TBCD: variants seen among roughly 807,000 people sequenced by gnomAD.
TBCD encodes tubulin-specific chaperone D.
A neutral mutation model predicts 169.3 loss-of-function variants in TBCD; 105 were observed. The ratio of observed to expected loss-of-function variants is 0.62; its 90% CI spans 0.53 to 0.73. The LOEUF is 0.73. TBCD is among the 30% of genes least tolerant of loss of function. The pLI is 0.00. For synonymous variants in TBCD, 700 were observed against 643.9 expected, an observed-to-expected ratio of 1.09 and a Z score of -1.32; for missense variants, 1,444 against 1,600.1, an observed-to-expected ratio of 0.90 and a Z score of 1.66.
chr17:82,847,708 G>A (rs975835308), intron 13 of TBCD, among the ~76,000 whole-genome samples: 6 of 152,102 alleles, frequency 3.9e-5, no homozygotes, highest in African/African-American at 1.4e-4. Flanking sequence ...TGCGATCTCC[G>A]CCTCCCGAGT....
At chr17:82,865,360 T>C (rs1263466687) in intron 13 of TBCD, 3 of 692,712 alleles carry the variant, frequency 4.3e-6, no homozygotes, top group Non-Finnish European at 5.3e-6. Flanking sequence ...ACCGGCAGGC[T>C]CCACGCTGAG....
intron 36 of TBCD, 99 bp downstream of exon 36, chr17:82,938,235 C>A: frequency 7.3e-7 from 1 of 1,364,796 alleles, no homozygotes; most frequent in Non-Finnish European, 1.0e-6. Flanking sequence ...GTGTGCTTTC[C>A]AGCCGAGCCC....
chr17:82,877,843 A>G (rs1297961215), intron 14 of TBCD, among the ~76,000 whole-genome samples: 1 of 152,198 alleles, frequency 6.6e-6, no homozygotes, highest in Non-Finnish European at 1.5e-5. Flanking sequence ...TTTGTTATAA[A>G]GAGTATAGAG....
chr17:82,853,673 G>A (rs1459481634), intron 13 of TBCD, among the ~76,000 whole-genome samples: 1 of 151,692 alleles, frequency 6.6e-6, no homozygotes, highest in East Asian at 1.9e-4. Context: ...CCAAAGTATT[G>A]CGATTACAGG....
At chr17:82,940,221 GCACACACA>G (rs71168175) in intron 37 of TBCD, among the ~76,000 whole-genome samples, 3,941 of 131,790 alleles carry the variant, frequency 0.03, 67 homozygotes, top group Non-Finnish European at 0.046. Flanking sequence ...TTGCACGCGC[GCACACACA>G]CACACACACA....
chr17:82,938,734 TCAAAAA>T (rs1412959621), intron 36 of TBCD, among the ~76,000 whole-genome samples: 8 of 151,200 alleles, frequency 5.3e-5, no homozygotes, highest in African/African-American at 1.2e-4. Context: ...AGGGCACCAC[TCAAAAA>T]GAGAGCAGGC....
chr17:82,780,041 G>A (rs919893632), intron 6 of TBCD, among the ~76,000 whole-genome samples: 5 of 152,158 alleles, frequency 3.3e-5, no homozygotes, highest in Non-Finnish European at 7.4e-5. Flanking sequence ...CAGACCTGCC[G>A]GCATGGCCTA....
At chr17:82,767,164 G>A (rs1021171923) in intron 4 of TBCD, among the ~76,000 whole-genome samples, 2 of 152,164 alleles carry the variant, frequency 1.3e-5, no homozygotes, top group Non-Finnish European at 2.9e-5. Context: ...TGCCTCAGAC[G>A]GCAGCGGGGC....
At chr17:82,929,663 T>C in intron 32 of TBCD, 163 bp downstream of exon 32, 1 of 942,144 alleles carries the variant, frequency 1.1e-6, no homozygotes, top group Non-Finnish European at 1.6e-6. Flanking sequence ...GTCTTCCTCA[T>C]GACCCAGGAG....
At chr17:82,929,617 C>T (rs1240456059) in intron 32 of TBCD, 117 bp downstream of exon 32, 2 of 1,417,614 alleles carry the variant, frequency 1.4e-6, no homozygotes, top group Admixed American at 3.9e-5. Context: ...TTCTATCTCT[C>T]TCGGGCATAT....
chr17:82,835,280 C>T lies in TBCD; in HGVS notation c.1318+20346C>T, dbSNP rs142290226. On this transcript the variant is annotated intron_variant, in intron 13 of 38. Transcript: ENST00000355528. The surrounding 1 kb of genome is among the most constrained non-coding windows in gnomAD (Gnocchi z 4.5). ...TCCCTGAAGCAAGGCGCCACCCCTCCTCCCTGCACCCGTGTCCTTCCTCCC... is the reference window on the plus strand; with the variant it reads ...TCCCTGAAGCAAGGCGCCACCCCTCTTCCCTGCACCCGTGTCCTTCCTCCC... Among the ~76,000 whole-genome samples the T allele has an allele frequency of 5.2e-4, 79 of 152,300 alleles. No homozygotes were observed. The highest frequency in any genetic ancestry group is 1.6e-3 in the African/African-American group (67 of 41,562).
At chr17:82,940,096 G>T (rs1282321835) in intron 37 of TBCD, among the ~76,000 whole-genome samples, 2 of 152,162 alleles carry the variant, frequency 1.3e-5, no homozygotes, top group South Asian at 4.1e-4. Context: ...AGAGCAGAGT[G>T]GGGAAAGTGC....
chr17:82,863,350 G>T (rs751908883), intron 13 of TBCD, among the ~76,000 whole-genome samples: 1 of 152,188 alleles, frequency 6.6e-6, no homozygotes, highest in African/African-American at 2.4e-5. Flanking sequence ...CGGACGCAGC[G>T]TGGAGGCCAA....
intron 11 of TBCD, among the ~76,000 whole-genome samples, chr17:82,808,572 G>A (rs2051177891): frequency 7.1e-6 from 1 of 139,906 alleles, no homozygotes; most frequent in African/African-American, 2.7e-5. Flanking sequence ...GGGCGGGTTG[G>A]CCCCTGCTGT....
chr17:82,767,596 C>T (rs191377500), intron 4 of TBCD, among the ~76,000 whole-genome samples: 18 of 152,162 alleles, frequency 1.2e-4, no homozygotes, highest in African/African-American at 4.1e-4. Context: ...CATGTGTCAT[C>T]ACGCCAGGGT....
intron 14 of TBCD, among the ~76,000 whole-genome samples, chr17:82,871,316 G>A (rs577358689): frequency 6.6e-6 from 1 of 152,352 alleles, no homozygotes; most frequent in African/African-American, 2.4e-5. Context: ...ACTGAAATGA[G>A]TTCTTTTGTG....
In TBCD at chr17:82,806,913, T is replaced by G. The variant is rs2051008606; in HGVS notation, c.1088-695T>G. On this transcript the variant is annotated intron_variant, in intron 10 of 38. Coordinates refer to ENST00000355528, the MANE Select transcript of TBCD (RefSeq NM_005993.5). This position sits in a 1 kb window ranked among gnomAD's most constrained non-coding sequence, Gnocchi z 5.1. ...TGAGTCCCGGGCGGGGCCCTGGGTC[T>G]GCCCCTTCCCCGTGTCCGCAGCCTG... is the stretch of plus-strand genomic sequence containing the variant. 6.6e-6 allele frequency among the ~76,000 whole-genome samples: 1 copy of G among 152,218 alleles called. No individual in the cohort carries two copies. The highest frequency in any genetic ancestry group is 2.1e-4 in the South Asian group (1 of 4,834).
Position 82,942,760 on chromosome 17 carries a change from T to G in TBCD, c.*297T>G. The G allele has an allele frequency of 3.9e-6, 2 of 511,408 alleles. No homozygotes were observed. Among genetic ancestry groups the G allele is most frequent in the Non-Finnish European group, 6.9e-6 (2 of 288,268 alleles). The allele number at this position is 511,408 out of a possible 1,614,324, so 31.7% of individuals were successfully genotyped here. A position where few individuals can be genotyped will look rare whatever the true frequency, so the allele number is the denominator to read the frequency against. On this transcript the variant is annotated 3_prime_UTR_variant, in exon 39 of 39. Transcript: ENST00000355528. ...GTGTAGGGGTGATGGAAAGGCTCAC[T>G]GCCCAGGGGTCAGCCAGAGGGGAGG...
In TBCD at chr17:82,930,530, C is replaced by T. The variant is rs1374006722; in HGVS notation, c.3000C>T (p.His1000=). The change falls in exon 33 of 39, where the codon CAC becomes CAT. Residue 1000 remains histidine (H), a synonymous_variant. Transcript: ENST00000355528. This position sits in a 1 kb window ranked among gnomAD's most constrained non-coding sequence, Gnocchi z 5.2. ...GTGTCTCCGTGTTGCAGATCCGGCA[C>T]TCCACCCAGAGCCTCTTTGAGTACA... ...LGGLTESTIR[H]STQSLFEYMK... The T allele has an allele frequency of 6.2e-7, 1 of 1,613,238 alleles. No individual in the cohort carries two copies. The highest frequency in any genetic ancestry group is 8.5e-7 in the Non-Finnish European group (1 of 1,179,712).
Sources: gnomAD v4.1 joint callset for allele counts (sites outside exome capture counted in the v4.1 genomes callset) on GRCh38, gnomAD v4.1.1 for gene constraint, Gnocchi (gnomAD v3.1) non-coding constraint, MANE v1.5 for transcripts, NCBI Gene and HGNC (gene_info 2026-07-23, HGNC 2026-07-21) for gene names.